Variants in CNGA1 observed in about 807,000 individuals in gnomAD.
The protein encoded by CNGA1 is cyclic nucleotide-gated channel alpha-1.
In CNGA1, 53 loss-of-function variants were observed where a neutral mutation model predicts 69.7. The ratio of observed to expected loss-of-function variants is 0.76; its 90% CI spans 0.61 to 0.96. The LOEUF is 0.96. Ranked by LOEUF, CNGA1 falls within the 40% of genes least tolerant of loss-of-function variation. CNGA1 has a pLI of 0.00. For synonymous variants in CNGA1, 249 were observed against 283.5 expected, an observed-to-expected ratio of 0.88 and a Z score of 1.22; for missense variants, 739 against 811.2, an observed-to-expected ratio of 0.91 and a Z score of 1.08.
rs932012922 is a variant in CNGA1, at chr4:47,964,340, G to A, written c.-14-11637C>T. ...ATAATTCTGATTGTCAGAACAAACCGAGCCTGGGCTTTGCTTAACCCTAAA... is the reference window on the plus strand; with the variant it reads ...ATAATTCTGATTGTCAGAACAAACCAAGCCTGGGCTTTGCTTAACCCTAAA... On this transcript the variant is annotated intron_variant, in intron 3 of 10. Coordinates refer to ENST00000514170, the MANE Select transcript of CNGA1 (RefSeq NM_001379270.1). Among the ~76,000 whole-genome samples, 35 of 152,074 alleles carry A rather than the reference G, an allele frequency of 2.3e-4. 1 individual carries two copies. The highest frequency in any genetic ancestry group is 2.0e-3 in the Admixed American group (31 of 15,260).
chr4:47,951,383 T>A lies in CNGA1; in HGVS notation c.194A>T (p.Lys65Met). ...TGATGGTCCTCCCTTTCTGAGTGAC[T>A]TATAACTAAAGGAACCCCTTGCATG... ...NPHARGSFSY[K>M]SLRKGGPSQR... The change falls in exon 5 of 11, where the codon AAG (lysine) becomes ATG (methionine). Residue 65 changes from lysine (K) to methionine (M), a missense_variant. Coordinates refer to ENST00000514170, the MANE Select transcript of CNGA1 (RefSeq NM_001379270.1). 6.2e-7 allele frequency: 1 copy of A among 1,612,946 alleles called. No homozygotes were observed.
intron 2 of CNGA1, among the ~76,000 whole-genome samples, chr4:48,007,366 A>T (rs1454189851): frequency 6.6e-6 from 1 of 152,176 alleles, no homozygotes; most frequent in Non-Finnish European, 1.5e-5. Flanking sequence ...AACTTATTTT[A>T]TCTCTTAAAA....
intron 3 of CNGA1, among the ~76,000 whole-genome samples, chr4:47,965,962 G>T (rs983618959): frequency 6.6e-6 from 1 of 152,120 alleles, no homozygotes; most frequent in Admixed American, 6.6e-5. Flanking sequence ...TTGCTTTACT[G>T]GTTTTCCCAT....
chr4:47,976,147 A>ATG (rs1182012447), intron 3 of CNGA1, among the ~76,000 whole-genome samples: 6 of 43,600 alleles, frequency 1.4e-4, no homozygotes, highest in Non-Finnish European at 1.9e-4. Flanking sequence ...TTACTTTCAT[A>ATG]TGTATATATA....
chr4:47,957,155 C>T (rs61654183), intron 3 of CNGA1, among the ~76,000 whole-genome samples: 15,837 of 151,868 alleles, frequency 0.1, 1,301 homozygotes, highest in East Asian at 0.31. Context: ...AGGCTGGTCT[C>T]GAACTCCTGA....
chr4:47,992,131 T>A lies in CNGA1; in HGVS notation c.-122-10631A>T, dbSNP rs115154493. 4.5e-3 allele frequency among the ~76,000 whole-genome samples: 685 copies of A among 152,198 alleles called. 7 individuals are homozygous for A. Among genetic ancestry groups the A allele is most frequent in the African/African-American group, 0.016 (673 of 41,536 alleles). ...CTCTAGACTTGCTCTTTTTGCTTAG[T>A]CTTGCTTTGGCTATAAGGGCTCTTT... is the stretch of plus-strand genomic sequence containing the variant. On this transcript the variant is annotated intron_variant, in intron 2 of 10. Transcript: ENST00000514170.
At chr4:47,939,282 G>C (rs1738921714) in intron 10 of CNGA1, among the ~76,000 whole-genome samples, 1 of 152,156 alleles carries the variant, frequency 6.6e-6, no homozygotes, top group Admixed American at 6.5e-5. Context: ...GAACTATGGG[G>C]TTTGGAGCAT....
chr4:48,007,184 C>G (rs957498014), intron 2 of CNGA1, among the ~76,000 whole-genome samples: 3 of 152,048 alleles, frequency 2.0e-5, no homozygotes, highest in Non-Finnish European at 4.4e-5. Flanking sequence ...TCTATAAAAT[C>G]TTAATATTGG....
intron 2 of CNGA1, among the ~76,000 whole-genome samples, chr4:47,983,627 A>C (rs894807697): frequency 6.6e-6 from 1 of 152,166 alleles, no homozygotes; most frequent in African/African-American, 2.4e-5. Context: ...AAAGAAAAAG[A>C]AAAAGAAAAA....
chr4:48,009,021 A>G (rs1450139768), intron 2 of CNGA1, among the ~76,000 whole-genome samples: 2 of 152,206 alleles, frequency 1.3e-5, no homozygotes, highest in African/African-American at 2.4e-5. Flanking sequence ...ATAGGTTTGT[A>G]ACCCCTATGC....
intron 2 of CNGA1, among the ~76,000 whole-genome samples, chr4:47,982,158 A>G (rs1455132044): frequency 6.6e-6 from 1 of 152,256 alleles, no homozygotes; most frequent in African/African-American, 2.4e-5. Flanking sequence ...TTTATGCAAT[A>G]TATGACAGGC....
At chr4:47,968,303 TA>T (rs1432757829) in intron 3 of CNGA1, among the ~76,000 whole-genome samples, 12 of 152,316 alleles carry the variant, frequency 7.9e-5, no homozygotes, top group African/African-American at 2.9e-4. Flanking sequence ...AAATAACAGA[TA>T]TTTTTTAATA....
chr4:47,939,088 C>T (rs1204718290), intron 10 of CNGA1, among the ~76,000 whole-genome samples: 1 of 152,030 alleles, frequency 6.6e-6, no homozygotes, highest in Non-Finnish European at 1.5e-5. Context: ...AGAAAAGTGT[C>T]TTTTGGTCTA....
chr4:47,949,191 T>C (rs1326522723), intron 6 of CNGA1, among the ~76,000 whole-genome samples: 2 of 152,196 alleles, frequency 1.3e-5, no homozygotes, highest in African/African-American at 2.4e-5. Flanking sequence ...AGCTCAGTTT[T>C]TCCTCTCCCT....
chr4:47,975,506 C>G (rs1015450473), intron 3 of CNGA1, among the ~76,000 whole-genome samples: 3 of 152,070 alleles, frequency 2.0e-5, no homozygotes, highest in African/African-American at 7.2e-5. Context: ...AAACAAATAA[C>G]CCAATATATT....
chr4:47,937,518 C>T lies in CNGA1; in HGVS notation c.964G>A (p.Gly322Arg). 6.2e-7 allele frequency: 1 copy of T among 1,614,066 alleles called. No homozygotes were observed. Among genetic ancestry groups the T allele is most frequent in the African/African-American group, 1.3e-5 (1 of 75,020 alleles). Residue 322 changes from glycine (G) to arginine (R), a missense_variant, in exon 11 of 11, where the codon GGA (glycine) becomes AGA (arginine). Gly to Arg is a moderately radical substitution (Grantham distance 125, BLOSUM62 -2). Coordinates refer to ENST00000514170, the MANE Select transcript of CNGA1 (RefSeq NM_001379270.1). ...TAGACCCATGTATCATTTCCAAATC[C>T]AATAGCTTTAGAAATAGAGTAGAAC... Reference protein sequence around the residue: ...CVFYSISKAIGFGNDTWVYPD... With the variant: ...CVFYSISKAIRFGNDTWVYPD...
intron 3 of CNGA1, among the ~76,000 whole-genome samples, chr4:47,971,849 A>C (rs1741061591): frequency 6.6e-6 from 1 of 152,024 alleles, no homozygotes; most frequent in Non-Finnish European, 1.5e-5. Context: ...AGCTGAGATC[A>C]TGCCATTGCA....
intron 2 of CNGA1, among the ~76,000 whole-genome samples, chr4:47,987,917 G>A (rs1405568077): frequency 6.6e-6 from 1 of 152,114 alleles, no homozygotes; most frequent in African/African-American, 2.4e-5. Context: ...ATGAAAAGCA[G>A]AGAAGCCACT....
intron 10 of CNGA1, among the ~76,000 whole-genome samples, chr4:47,938,203 A>C (rs563665377): frequency 1.3e-5 from 2 of 151,932 alleles, no homozygotes; most frequent in East Asian, 1.9e-4. Context: ...AAAAGAAAAA[A>C]AGAAAAATTT....
Sources: gnomAD v4.1 joint callset for allele counts (sites outside exome capture counted in the v4.1 genomes callset) on GRCh38, gnomAD v4.1.1 for gene constraint, MANE v1.5 for transcripts, NCBI Gene and HGNC (gene_info 2026-07-23, HGNC 2026-07-21) for gene names.